MSMB: variants seen among roughly 807,000 people sequenced by gnomAD.
The protein encoded by MSMB is microseminoprotein beta.
In MSMB, 10 loss-of-function variants were observed where a neutral mutation model predicts 10.5. That is an observed-to-expected ratio of 0.95 (90% CI 0.59 to 1.62). The LOEUF is 1.62. Ranked by LOEUF, MSMB falls within the 40% of genes most tolerant of loss-of-function variation. MSMB has a pLI of 0.00. For missense variants in MSMB, 126 were observed against 137.4 expected (o/e 0.92, Z 0.42); for synonymous variants, 43 against 46.5 (o/e 0.93, Z 0.30).
Position 46,033,337 on chromosome 10 carries a change from T to G in MSMB, c.*85A>C. 2 of 1,520,866 alleles carry G rather than the reference T, an allele frequency of 1.3e-6. No individual in the cohort carries two copies. The highest frequency in any genetic ancestry group is 1.8e-6 in the Non-Finnish European group (2 of 1,130,376). 94.2% of individuals were successfully genotyped at this position (1,520,866 alleles called of 1,614,324 possible). A position where few individuals can be genotyped will look rare whatever the true frequency, so the allele number is the denominator to read the frequency against. On this transcript the variant is annotated 3_prime_UTR_variant, in exon 4 of 4. Coordinates refer to ENST00000582163, the MANE Select transcript of MSMB (RefSeq NM_002443.4). Reference sequence around the variant, plus strand: ...GTTTGCTCAAAAATCTTTTTACTGATAGGCATGGCTACACAATCATTGACT... The same window carrying G: ...GTTTGCTCAAAAATCTTTTTACTGAGAGGCATGGCTACACAATCATTGACT...
chr10:46,046,111 T>G lies in MSMB; in HGVS notation c.3+124A>C, dbSNP rs12246321. The G allele has an allele frequency of 3.6e-3, 3,705 of 1,023,242 alleles. 93 individuals carry two copies. The African/African-American group carries it at 0.052, about 14-fold the overall frequency. 63.4% of individuals were successfully genotyped at this position (1,023,242 alleles called of 1,614,324 possible). On this transcript the variant is annotated intron_variant, in intron 1 of 3. Transcript: ENST00000582163. ...GCACATTGAATTGCAGGTAATAACA[T>G]AAGGTTCCTAACTAGGTCACATTTA...
rs56061175 is a variant in MSMB, at chr10:46,044,575, GAAAAAAAAAAAAAAA to G, written c.3+1645_3+1659del. On this transcript the variant is annotated intron_variant, in intron 1 of 3. Coordinates refer to ENST00000582163, the MANE Select transcript of MSMB (RefSeq NM_002443.4). ...TGGGCGACAGAGAGACTCCGTCTCA[GAAAAAAAAAAAAAAA>G]AAAAAAAAAAAAAGTTGTATCTCTT... Among the ~76,000 whole-genome samples, 279 of 38,536 alleles carry G rather than the reference GAAAAAAAAAAAAAAA, an allele frequency of 7.2e-3. 4 individuals are homozygous for G. The Middle Eastern group carries it at 0.075, about 10-fold the overall frequency. The allele number at this position is 38,536 out of a possible 152,430, so 25.3% of individuals were successfully genotyped here. A position where few individuals can be genotyped will look rare whatever the true frequency, so the allele number is the denominator to read the frequency against.
At chr10:46,042,432 T>C (rs532219618) in intron 1 of MSMB, among the ~76,000 whole-genome samples, 59 of 152,292 alleles carry the variant, frequency 3.9e-4, no homozygotes, top group African/African-American at 1.4e-3. Flanking sequence ...CAGAGGGAAA[T>C]AGAGGTATCT....
At chr10:46,035,835 A>G (rs1417243045) in intron 3 of MSMB, among the ~76,000 whole-genome samples, 1 of 152,238 alleles carries the variant, frequency 6.6e-6, no homozygotes, top group Non-Finnish European at 1.5e-5. Flanking sequence ...ATAAAAAAAA[A>G]AGGTTAAAAA....
chr10:46,039,063 C>A lies in MSMB; in HGVS notation c.118G>T (p.Asp40Tyr), dbSNP rs369305606. The change falls in exon 3 of 4, where the codon GAT becomes TAT. Residue 40 changes from aspartate to tyrosine, a missense_variant. Transcript: ENST00000582163. The part of the protein sequence containing the change: ...VPGDSTRKCM[D>Y]LKGNKHPINS... ...ATTGGGTGTTTGTTTCCTTTGAGATCCATGCATTCTAAAATAATACACACA... is the reference window on the plus strand; with the variant it reads ...ATTGGGTGTTTGTTTCCTTTGAGATACATGCATTCTAAAATAATACACACA... The A allele has an allele frequency of 1.2e-6, 2 of 1,613,558 alleles. No individual in the cohort carries two copies. Among genetic ancestry groups the A allele is most frequent in the Non-Finnish European group, 1.7e-6 (2 of 1,179,720 alleles).
chr10:46,034,791 C>T (rs1554927348), intron 3 of MSMB, among the ~76,000 whole-genome samples: 2 of 150,590 alleles, frequency 1.3e-5, no homozygotes, highest in Non-Finnish European at 3.0e-5. Context: ...CACCACTGCA[C>T]TCCATCCTGG....
At chr10:46,044,642 T>A (rs1590199458) in intron 1 of MSMB, among the ~76,000 whole-genome samples, 1 of 138,006 alleles carries the variant, frequency 7.2e-6, no homozygotes. Flanking sequence ...CCTGGAAGGG[T>A]TATCCCATGA....
At chr10:46,045,866 T>C (rs1226660572) in intron 1 of MSMB, among the ~76,000 whole-genome samples, 1 of 152,070 alleles carries the variant, frequency 6.6e-6, no homozygotes, top group East Asian at 1.9e-4. Flanking sequence ...CTTCTTCCCC[T>C]CCCCAGGCTC....
chr10:46,041,000 C>T (rs1379549461), intron 1 of MSMB, among the ~76,000 whole-genome samples: 2 of 151,398 alleles, frequency 1.3e-5, no homozygotes, highest in Non-Finnish European at 2.9e-5. Flanking sequence ...GCAGAACACT[C>T]GATCTATTTT....
chr10:46,043,868 T>C (rs992736085), intron 1 of MSMB, among the ~76,000 whole-genome samples: 4 of 152,052 alleles, frequency 2.6e-5, no homozygotes, highest in African/African-American at 9.7e-5. Context: ...AGAGACGTAG[T>C]TTCATCATGT....
At chr10:46,036,716 G>T (rs189665340) in intron 3 of MSMB, among the ~76,000 whole-genome samples, 1 of 152,296 alleles carries the variant, frequency 6.6e-6, no homozygotes, top group East Asian at 1.9e-4. Context: ...CCTCTTCACT[G>T]CAAGGAGCAG....
At chr10:46,040,145 C>A in intron 1 of MSMB, 54 bp from the exon 2 acceptor site, 1 of 1,471,764 alleles carries the variant, frequency 6.8e-7, no homozygotes. Context: ...AAGGATAATC[C>A]TTGACTGAGT....
At chr10:46,040,352 T>C (rs557563280) in intron 1 of MSMB, among the ~76,000 whole-genome samples, 109 of 152,090 alleles carry the variant, frequency 7.2e-4, no homozygotes, top group African/African-American at 2.6e-3. Context: ...AAAGGGAAGA[T>C]GGTGTTAAAA....
At chr10:46,033,916 C>T (rs1169931347) in intron 3 of MSMB, among the ~76,000 whole-genome samples, 3 of 152,186 alleles carry the variant, frequency 2.0e-5, no homozygotes, top group Non-Finnish European at 4.4e-5. Flanking sequence ...CCAGCCCTGA[C>T]TTGGAGGCCT....
chr10:46,042,291 C>T (rs1420103964), intron 1 of MSMB, among the ~76,000 whole-genome samples: 3 of 151,908 alleles, frequency 2.0e-5, no homozygotes, highest in African/African-American at 7.3e-5. Context: ...CACACACAGA[C>T]ACACACACAC....
intron 1 of MSMB, among the ~76,000 whole-genome samples, chr10:46,045,062 GAC>G (rs1479148350): frequency 6.6e-6 from 1 of 152,088 alleles, no homozygotes; most frequent in African/African-American, 2.4e-5. Context: ...CCCTCCTGAG[GAC>G]CCTCTCCCAC....
rs536380189 is a variant in MSMB, at chr10:46,044,362, G to A, written c.3+1873C>T. On this transcript the variant is annotated intron_variant, in intron 1 of 3. Transcript: ENST00000582163. ...GAGGCCGAGGCGGGTGGATCATGAG[G>A]TCAGGAGATCGAGACCATCCTGGCT... Among the ~76,000 whole-genome samples, 22 of 151,656 alleles carry A rather than the reference G, an allele frequency of 1.5e-4. No homozygotes were observed. The South Asian group carries it at 2.7e-3, about 19-fold the overall frequency.
chr10:46,039,116 G>A (rs1554928038), intron 2 of MSMB, 45 bp from the exon 3 acceptor site: 1 of 1,533,086 alleles, frequency 6.5e-7, no homozygotes, highest in African/African-American at 1.4e-5. Context: ...CATGCAATGA[G>A]AACAAGGCCT....
At chr10:46,042,718 G>GTT (rs1840780593) in intron 1 of MSMB, among the ~76,000 whole-genome samples, 5 of 152,174 alleles carry the variant, frequency 3.3e-5, no homozygotes, top group African/African-American at 7.2e-5. Context: ...AGCCAGCAAG[G>GTT]TAGAAGGTGA....
Sources: allele counts gnomAD v4.1 joint callset (sites outside exome capture counted in the v4.1 genomes callset), GRCh38; gene constraint gnomAD v4.1.1; transcripts MANE v1.5; gene names NCBI Gene and HGNC (gene_info 2026-07-23, HGNC 2026-07-21).